Variants in HECTD2 observed in about 807,000 individuals in gnomAD.
HECTD2 encodes probable E3 ubiquitin-protein ligase HECTD2.
Under a neutral mutation model 103.2 loss-of-function variants are expected in HECTD2, and 35 were observed. That is an observed-to-expected ratio of 0.34 (90% confidence interval 0.26 to 0.45). HECTD2 has a LOEUF of 0.45. HECTD2 is among the 20% of genes least tolerant of loss of function. The probability of loss-of-function intolerance (pLI) is 1.00; values close to 1 mark genes in which losing one functional copy is unlikely to be tolerated. For synonymous variants in HECTD2, 281 were observed against 329.9 expected (o/e 0.85, Z 1.61); for missense variants, 596 against 937.4 (o/e 0.64, Z 4.76).
At chr10:91,480,006 G>C (rs1330557822) in intron 6 of HECTD2, among the ~76,000 whole-genome samples, 3 of 151,902 alleles carry the variant, frequency 2.0e-5, no homozygotes, top group Admixed American at 1.3e-4. Context: ...ACTCTTGCTT[G>C]TTGTAAGAAA....
chr10:91,455,841 A>G (rs1845062850), intron 2 of HECTD2, among the ~76,000 whole-genome samples: 1 of 152,152 alleles, frequency 6.6e-6, no homozygotes, highest in East Asian at 1.9e-4. Context: ...TCCTTTCCCT[A>G]TTTCTTGTTT....
intron 2 of HECTD2, among the ~76,000 whole-genome samples, chr10:91,452,853 T>C (rs1844896728): frequency 6.6e-6 from 1 of 152,144 alleles, no homozygotes; most frequent in African/African-American, 2.4e-5. Flanking sequence ...TGAAAATATT[T>C]TTCAGGAATG....
chr10:91,471,107 C>T (rs982311999), intron 5 of HECTD2, among the ~76,000 whole-genome samples: 1 of 152,118 alleles, frequency 6.6e-6, no homozygotes, highest in Non-Finnish European at 1.5e-5. Flanking sequence ...AAAAGCACAT[C>T]AACAAGCTAA....
chr10:91,439,292 T>G (rs375981412), intron 2 of HECTD2, among the ~76,000 whole-genome samples: 54 of 152,320 alleles, frequency 3.5e-4, no homozygotes, highest in African/African-American at 1.3e-3. Flanking sequence ...GTTTTCTGCA[T>G]ATGGCTAGCC....
At chr10:91,503,104 A>T (rs1846970670) in intron 20 of HECTD2, among the ~76,000 whole-genome samples, 1 of 152,240 alleles carries the variant, frequency 6.6e-6, no homozygotes, top group South Asian at 2.1e-4. Flanking sequence ...GGCAAAGGAC[A>T]TGAACAGACA....
chr10:91,461,310 A>G lies in HECTD2; in HGVS notation c.464A>G (p.Tyr155Cys). Reference protein sequence around the residue: ...SGDWKAVHDFYLTTFDSFPEL... With the variant: ...SGDWKAVHDFCLTTFDSFPEL... The stretch of plus-strand genomic sequence containing the variant: ...GATTGGAAAGCAGTACATGATTTTT[A>G]TCTAACAACGTTTGATTCTTTCCCA... The change falls in exon 4 of 21, where the codon TAT becomes TGT. Residue 155 changes from tyrosine to cysteine, a missense_variant. Tyr to Cys is a radical substitution (Grantham distance 194). This residue lies in a region of HECTD2 where 220 missense variants were observed against 233.9 expected (regional missense o/e 0.94). Transcript: ENST00000298068. The G allele has an allele frequency of 1.3e-6, 2 of 1,555,064 alleles. No homozygotes were observed. Among genetic ancestry groups the G allele is most frequent in the Non-Finnish European group, 1.7e-6 (2 of 1,151,794 alleles).
intron 5 of HECTD2, among the ~76,000 whole-genome samples, chr10:91,464,250 A>G (rs760051607): frequency 3.3e-5 from 5 of 152,208 alleles, no homozygotes; most frequent in Non-Finnish European, 5.9e-5. Context: ...TGAACAACCT[A>G]TTGGGGAACC....
At position 91,513,683 on chromosome 10, in the gene HECTD2, G is replaced by GTT; in HGVS notation, c.*1300_*1301dup. The GTT allele has an allele frequency of 6.6e-6, 1 of 152,626 alleles. No homozygotes were observed. Among genetic ancestry groups the GTT allele is most frequent in the East Asian group, 1.9e-4 (1 of 5,184 alleles). 9.5% of individuals were successfully genotyped at this position (152,626 alleles called of 1,614,324 possible). On this transcript the variant is annotated 3_prime_UTR_variant, in exon 21 of 21. Transcript: ENST00000298068. The stretch of plus-strand genomic sequence containing the variant: ...CAGCTTTCCTTCAGAAAACTCTGAA[G>GTT]TTATATTTGCAATAATAATGAAACC...
In HECTD2 at chr10:91,491,705, C is replaced by T. The variant is rs143073026; in HGVS notation, c.1299+398C>T. Among the ~76,000 whole-genome samples the T allele has an allele frequency of 4.7e-4, 71 of 152,244 alleles. No individual in the cohort carries two copies. In the East Asian group the frequency reaches 0.011, roughly 24 times the overall value. ...CACATCTATAAAATTAGAGGTCTGA[C>T]CTACAGGGTATATTGGGTCTATACA... On this transcript the variant is annotated intron_variant, in intron 12 of 20. Coordinates refer to ENST00000298068, the MANE Select transcript of HECTD2 (RefSeq NM_182765.6).
chr10:91,420,935 T>C (rs1843333110), intron 1 of HECTD2, among the ~76,000 whole-genome samples: 1 of 152,176 alleles, frequency 6.6e-6, no homozygotes, highest in Admixed American at 6.5e-5. Context: ...ACAGCAATGC[T>C]ATGGGGACCA....
At chr10:91,494,276 A>G (rs1320474764) in intron 14 of HECTD2, among the ~76,000 whole-genome samples, 3 of 152,116 alleles carry the variant, frequency 2.0e-5, no homozygotes, top group Non-Finnish European at 4.4e-5. Flanking sequence ...GAGTTCTGAG[A>G]AGGAAAATAT....
chr10:91,423,334 G>A (rs1415842070), intron 1 of HECTD2, among the ~76,000 whole-genome samples: 1 of 152,102 alleles, frequency 6.6e-6, no homozygotes, highest in Non-Finnish European at 1.5e-5. Context: ...AATACATATA[G>A]GAATGTTATA....
chr10:91,412,631 A>T (rs55762845), intron 1 of HECTD2, among the ~76,000 whole-genome samples: 27,856 of 145,766 alleles, frequency 0.19, 6,130 homozygotes, highest in African/African-American at 0.54. Context: ...TTTATTTTTT[A>T]AAAAAAAAAA....
chr10:91,504,492 G>C (rs1477350182), intron 20 of HECTD2, among the ~76,000 whole-genome samples: 2 of 152,182 alleles, frequency 1.3e-5, no homozygotes, highest in East Asian at 1.9e-4. Context: ...AGAAGCCTCA[G>C]GAGCCAATGC....
At chr10:91,429,079 T>A (rs1843715752) in intron 2 of HECTD2, among the ~76,000 whole-genome samples, 1 of 152,254 alleles carries the variant, frequency 6.6e-6, no homozygotes, top group Non-Finnish European at 1.5e-5. Flanking sequence ...TGAGAGTTTT[T>A]AGCATGAAGG....
chr10:91,437,139 TACCAGCA>T (rs1844153131), intron 2 of HECTD2, among the ~76,000 whole-genome samples: 1 of 152,052 alleles, frequency 6.6e-6, no homozygotes, highest in African/African-American at 2.4e-5. Context: ...TGGCTTAAAA[TACCAGCA>T]ATGTTTATTT....
At chr10:91,459,290 C>G (rs1845242274) in intron 2 of HECTD2, among the ~76,000 whole-genome samples, 1 of 151,906 alleles carries the variant, frequency 6.6e-6, no homozygotes, top group Non-Finnish European at 1.5e-5. Context: ...CTCTGGAAAA[C>G]AAGTTTGGCA....
chr10:91,438,438 T>C (rs1474850100), intron 2 of HECTD2, among the ~76,000 whole-genome samples: 1 of 152,184 alleles, frequency 6.6e-6, no homozygotes, highest in Non-Finnish European at 1.5e-5. Context: ...TGCATAGTAT[T>C]CCATGGTGCA....
intron 2 of HECTD2, among the ~76,000 whole-genome samples, chr10:91,444,273 A>C (rs1347260797): frequency 6.6e-6 from 1 of 152,186 alleles, no homozygotes; most frequent in East Asian, 1.9e-4. Flanking sequence ...CACTCATTTT[A>C]TTAATACCAT....
Sources: gnomAD v4.1 joint callset for allele counts (sites outside exome capture counted in the v4.1 genomes callset) on GRCh38, gnomAD v4.1.1 for gene constraint, gnomAD v4.1.1 regional missense constraint, MANE v1.5 for transcripts, NCBI Gene and HGNC (gene_info 2026-07-23, HGNC 2026-07-21) for gene names.